Variants in ITGAV observed in about 807,000 individuals in gnomAD.
ITGAV encodes integrin alpha-V.
ITGAV carries 76 observed loss-of-function variants against 143.8 expected under a neutral mutation model. The observed-to-expected ratio is 0.53, with a 90% CI of 0.44 to 0.64. ITGAV has a LOEUF of 0.64. ITGAV is among the 30% of genes least tolerant of loss of function. The pLI, the probability that ITGAV is intolerant of heterozygous loss-of-function variation, is 0.00. For synonymous variants in ITGAV, 453 were observed against 446.7 expected (o/e 1.01, Z -0.18); for missense variants, 1,193 against 1,274.7 (o/e 0.94, Z 0.98).
At chr2:186,676,144 T>C in intron 28 of ITGAV, 1 of 438,788 alleles carries the variant, frequency 2.3e-6, no homozygotes, top group Non-Finnish European at 4.0e-6. Context: ...TTGTCCAGTG[T>C]AAGAGATTTC....
intron 25 of ITGAV, 27 bp downstream of exon 25, chr2:186,668,947 T>G: frequency 6.5e-7 from 1 of 1,530,260 alleles, no homozygotes; most frequent in Non-Finnish European, 8.9e-7. Context: ...CAGCTCTTCA[T>G]TACAATGATA....
intron 13 of ITGAV, among the ~76,000 whole-genome samples, chr2:186,649,507 T>C (rs1182951058): frequency 1.3e-5 from 2 of 152,160 alleles, no homozygotes; most frequent in Non-Finnish European, 2.9e-5. Context: ...TACAGTAAGA[T>C]TGTAAAATCC....
chr2:186,602,079 G>A lies in ITGAV; in HGVS notation c.244G>A (p.Glu82Lys). 1.2e-6 allele frequency: 2 copies of A among 1,613,478 alleles called. No homozygotes were observed. Among genetic ancestry groups the A allele is most frequent in the Admixed American group, 3.3e-5 (2 of 59,974 alleles). Residue 82 changes from glutamate to lysine, a missense_variant, in exon 2 of 30, where the codon GAA becomes AAA. Glu to Lys is a moderately conservative substitution (Grantham distance 56). Coordinates refer to ENST00000261023, the MANE Select transcript of ITGAV (RefSeq NM_002210.5). ...AAACACCACCCAGCCTGGGATTGTG[G>A]AAGGAGGGCAGGTCCTCAAATGTGA... The part of the protein sequence containing the change: ...KANTTQPGIV[E>K]GGQVLKCDWS...
At chr2:186,666,835 T>A in intron 22 of ITGAV, 52 bp downstream of exon 22, 7 of 963,308 alleles carry the variant, frequency 7.3e-6, no homozygotes, top group African/African-American at 1.7e-5. Flanking sequence ...TATTATTTGT[T>A]GTAAATATAC....
intron 6 of ITGAV, among the ~76,000 whole-genome samples, chr2:186,634,795 C>T (rs1032993804): frequency 1.3e-5 from 2 of 152,156 alleles, no homozygotes; most frequent in South Asian, 4.1e-4. Context: ...GATATTAACA[C>T]TTTATAGTTA....
At chr2:186,613,824 T>G (rs562041913) in intron 2 of ITGAV, among the ~76,000 whole-genome samples, 56 of 152,254 alleles carry the variant, frequency 3.7e-4, no homozygotes, top group Non-Finnish European at 6.8e-4. Flanking sequence ...AACCACCAGT[T>G]TAGTCTTCAG....
chr2:186,667,743 A>T lies in ITGAV; in HGVS notation c.2400A>T (p.Glu800Asp). ...ACAAGGAGAACCCTGAGACTGAAGA[A>T]GATGTTGGGCCAGTTGTTCAGCACA... The part of the protein sequence containing the change: ...WEHKENPETE[E>D]DVGPVVQHIY... The change falls in exon 24 of 30, where the codon GAA (glutamate) becomes GAT (aspartate). Residue 800 changes from glutamate (E) to aspartate (D), a missense_variant. By Grantham distance (45) the Glu-to-Asp change is conservative. Transcript: ENST00000261023. 1.2e-6 allele frequency: 2 copies of T among 1,611,046 alleles called. No homozygotes were observed. Among genetic ancestry groups the T allele is most frequent in the Non-Finnish European group, 1.7e-6 (2 of 1,177,982 alleles).
chr2:186,638,897 CTT>C (rs757207733), intron 10 of ITGAV, among the ~76,000 whole-genome samples: 28 of 130,686 alleles, frequency 2.1e-4, no homozygotes, highest in Non-Finnish European at 3.3e-4. Flanking sequence ...TTTTTGTTTC[CTT>C]TTTTTTTTTT....
At chr2:186,614,552 T>G (rs530332785) in intron 2 of ITGAV, among the ~76,000 whole-genome samples, 5 of 152,232 alleles carry the variant, frequency 3.3e-5, no homozygotes, top group Admixed American at 6.5e-5. Context: ...TTTGATACTA[T>G]CTTCCTTTGC....
chr2:186,660,721 G>T (rs1688722380), intron 18 of ITGAV: 2 of 151,944 alleles, frequency 1.3e-5, no homozygotes, highest in African/African-American at 4.8e-5. Flanking sequence ...AGTTTTCTAG[G>T]GCTGTCATAA....
intron 2 of ITGAV, among the ~76,000 whole-genome samples, chr2:186,619,666 A>G (rs1391189811): frequency 6.6e-6 from 1 of 152,256 alleles, no homozygotes; most frequent in Middle Eastern, 3.4e-3. Context: ...TACCCCATGA[A>G]TATGTAAAAT....
At chr2:186,636,349 G>T in intron 7 of ITGAV, 142 bp downstream of exon 7, 1 of 638,586 alleles carries the variant, frequency 1.6e-6, no homozygotes, top group Non-Finnish European at 2.6e-6. Context: ...ATTTCAAATT[G>T]TTAATGAGTA....
intron 1 of ITGAV, among the ~76,000 whole-genome samples, chr2:186,594,565 A>T (rs989994064): frequency 1.3e-5 from 2 of 152,172 alleles, no homozygotes; most frequent in Non-Finnish European, 2.9e-5. Flanking sequence ...CGTGCAGAAC[A>T]TCTTGTCTGT....
At chr2:186,632,859 C>T (rs546238859) in intron 5 of ITGAV, among the ~76,000 whole-genome samples, 97 of 152,098 alleles carry the variant, frequency 6.4e-4, no homozygotes, top group African/African-American at 2.3e-3. Context: ...TGTGTATTTT[C>T]ATGTATTGAA....
intron 3 of ITGAV, 102 bp from the exon 4 acceptor site, chr2:186,625,371 C>T: frequency 1.4e-6 from 1 of 705,912 alleles, no homozygotes; most frequent in Non-Finnish European, 2.5e-6. Context: ...GACCCCATCT[C>T]AAAAAAGAGA....
chr2:186,639,852 A>G (rs1468797206), intron 10 of ITGAV, among the ~76,000 whole-genome samples: 1 of 152,162 alleles, frequency 6.6e-6, no homozygotes, highest in Non-Finnish European at 1.5e-5. Context: ...CAAGCCAAAC[A>G]CCATAGGTGA....
At position 186,669,753 on chromosome 2, in the gene ITGAV, A is replaced by T; in HGVS notation, c.2645A>T (p.Glu882Val). Residue 882 changes from glutamate to valine, a missense_variant, in exon 26 of 30, where the codon GAG (glutamate) becomes GTG (valine). Physicochemically the swap from Glu to Val is moderately radical, Grantham distance 121. Coordinates refer to ENST00000261023, the MANE Select transcript of ITGAV (RefSeq NM_002210.5). ...AATGACACGGTTGCCGGGCAAGGTGAGCGGGACCATCTCATCACTAAGCGG... is the reference window on the plus strand; with the variant it reads ...AATGACACGGTTGCCGGGCAAGGTGTGCGGGACCATCTCATCACTAAGCGG... ...EKNDTVAGQGERDHLITKRDL... is the reference protein window; with the variant it reads ...EKNDTVAGQGVRDHLITKRDL... 3.1e-6 allele frequency: 5 copies of T among 1,614,164 alleles called. No homozygotes were observed. The highest frequency in any genetic ancestry group is 4.2e-6 in the Non-Finnish European group (5 of 1,180,014).
chr2:186,667,507 G>T (rs3213963), intron 23 of ITGAV, 164 bp from the exon 24 acceptor site: 2 of 517,370 alleles, frequency 3.9e-6, no homozygotes, highest in East Asian at 5.8e-5. Context: ...CATTTCATAA[G>T]AGCAGTTTTT....
At chr2:186,593,214 TGG>T (rs1686661798) in intron 1 of ITGAV, among the ~76,000 whole-genome samples, 1 of 152,176 alleles carries the variant, frequency 6.6e-6, no homozygotes, top group African/African-American at 2.4e-5. Context: ...CCACATACCT[TGG>T]GGAAGCTGTA....
Sources: gnomAD v4.1 joint callset for allele counts (sites outside exome capture counted in the v4.1 genomes callset) on GRCh38, gnomAD v4.1.1 for gene constraint, MANE v1.5 for transcripts, NCBI Gene and HGNC (gene_info 2026-07-23, HGNC 2026-07-21) for gene names.